CCDC73: variants seen among roughly 807,000 people sequenced by gnomAD.
CCDC73 encodes the protein coiled-coil domain-containing protein 73.
CCDC73 carries 95 observed loss-of-function variants against 116.5 expected under a neutral mutation model. That is an observed-to-expected ratio of 0.82 (90% confidence interval 0.69 to 0.97). The LOEUF (loss-of-function observed/expected upper bound fraction) is 0.97. Among genes scored for constraint, CCDC73 ranks in the 50% least tolerant of loss-of-function variants. The pLI is 0.00. For synonymous variants in CCDC73, 398 were observed against 401.3 expected, an observed-to-expected ratio of 0.99 and a Z score of 0.10; for missense variants, 1,066 against 1,206.8, an observed-to-expected ratio of 0.88 and a Z score of 1.73.
chr11:32,661,615 C>T (rs1855927622), intron 9 of CCDC73, among the ~76,000 whole-genome samples: 1 of 151,950 alleles, frequency 6.6e-6, no homozygotes, highest in Non-Finnish European at 1.5e-5. Context: ...CATGTCCCTA[C>T]AAAGGACATG....
rs185058812 is a variant in CCDC73, at chr11:32,764,281, C to T, written c.-15-4023G>A. 7.2e-3 allele frequency among the ~76,000 whole-genome samples: 1,098 copies of T among 152,156 alleles called. 16 individuals are homozygous for T. Among genetic ancestry groups the T allele is most frequent in the African/African-American group, 0.025 (1,056 of 41,500 alleles). On this transcript the variant is annotated intron_variant, in intron 1 of 17. Coordinates refer to ENST00000335185, the MANE Select transcript of CCDC73 (RefSeq NM_001008391.4). ...CAGAGAACACCACAAAGATACTCCT[C>T]GAGAAGAGCAACTCCAAGACACATA...
At chr11:32,663,930 G>A (rs1855954874) in intron 9 of CCDC73, among the ~76,000 whole-genome samples, 1 of 152,186 alleles carries the variant, frequency 6.6e-6, no homozygotes, top group Non-Finnish European at 1.5e-5. Context: ...TGCATCTATT[G>A]AGATAATCAT....
intron 2 of CCDC73, among the ~76,000 whole-genome samples, chr11:32,759,547 G>A (rs1850372955): frequency 6.6e-6 from 1 of 151,916 alleles, no homozygotes; most frequent in Non-Finnish European, 1.5e-5. Context: ...GGCCAGGCTG[G>A]TCTCGAACTC....
chr11:32,655,390 A>T (rs1855862637), intron 9 of CCDC73, among the ~76,000 whole-genome samples: 1 of 152,258 alleles, frequency 6.6e-6, no homozygotes, highest in South Asian at 2.1e-4. Flanking sequence ...TAGAAAAATG[A>T]ATAAAAAACA....
chr11:32,787,697 G>A (rs987953176), intron 1 of CCDC73, among the ~76,000 whole-genome samples: 3 of 151,896 alleles, frequency 2.0e-5, no homozygotes, highest in African/African-American at 7.3e-5. Context: ...AATATGGATG[G>A]CATTTGTCAC....
intron 2 of CCDC73, among the ~76,000 whole-genome samples, chr11:32,736,987 T>C (rs1282777064): frequency 1.3e-5 from 2 of 149,800 alleles, no homozygotes; most frequent in African/African-American, 2.4e-5. Flanking sequence ...TATATATGTA[T>C]ATATGTATAT....
At chr11:32,706,433 C>T (rs1040378929) in intron 3 of CCDC73, among the ~76,000 whole-genome samples, 5 of 152,114 alleles carry the variant, frequency 3.3e-5, no homozygotes, top group African/African-American at 1.2e-4. Flanking sequence ...AATGGCTTCA[C>T]AAATAAAATA....
upstream of CCDC73, among the ~76,000 whole-genome samples, chr11:32,795,831 A>G (rs960996921): frequency 7.2e-5 from 11 of 151,924 alleles, no homozygotes; most frequent in African/African-American, 2.7e-4. Context: ...CTGGGATTAC[A>G]GGCGCCTGCC....
In CCDC73 at chr11:32,758,795, A is replaced by C. The variant is rs1353006761; in HGVS notation, c.135+1314T>G. ...ATACTAAGTTTTAAATAGTGACCAA[A>C]AGTTGTTTCACTTAGGAAAGATAAC... On this transcript the variant is annotated intron_variant, in intron 2 of 17. Transcript: ENST00000335185. Among the ~76,000 whole-genome samples the C allele has an allele frequency of 4.6e-5, 7 of 152,280 alleles. No homozygotes were observed. In the East Asian group the frequency reaches 7.7e-4, roughly 17 times the overall value.
intron 17 of CCDC73, among the ~76,000 whole-genome samples, chr11:32,606,964 A>G: frequency 6.6e-6 from 1 of 150,716 alleles, no homozygotes; most frequent in African/African-American, 2.4e-5. Flanking sequence ...TTTAGTAGAG[A>G]CCTGGTTTCA....
At chr11:32,792,910 A>G (rs982586743) in intron 1 of CCDC73, among the ~76,000 whole-genome samples, 1 of 152,192 alleles carries the variant, frequency 6.6e-6, no homozygotes. Context: ...TTGTTTTTTT[A>G]GGATTAAATG....
At position 32,718,154 on chromosome 11, in the gene CCDC73, C is replaced by G. The variant is rs1554966618; in HGVS notation, c.136-7G>C. 1.3e-6 allele frequency: 2 copies of G among 1,578,246 alleles called. No homozygotes were observed. The highest frequency in any genetic ancestry group is 1.7e-4 in the Middle Eastern group (1 of 5,874). On this transcript the variant is annotated splice_region_variant and splice_polypyrimidine_tract_variant and intron_variant, in intron 2 of 17. Transcript: ENST00000335185. ...CATAATGAATTTCTGCTTCCTAAGT[C>G]AAAAAGAAAAAGAAAAGTGCTATAA... is the stretch of plus-strand genomic sequence containing the variant.
chr11:32,745,723 T>TTTCG (rs1565091464), intron 2 of CCDC73, among the ~76,000 whole-genome samples: 1 of 142,794 alleles, frequency 7.0e-6, no homozygotes, highest in East Asian at 2.1e-4. Flanking sequence ...GTTTTTGTTT[T>TTTCG]TTTGTTTGTT....
At chr11:32,676,674 A>G (rs1856091940) in intron 7 of CCDC73, among the ~76,000 whole-genome samples, 1 of 152,206 alleles carries the variant, frequency 6.6e-6, no homozygotes, top group South Asian at 2.1e-4. Context: ...AGTCCTAGCT[A>G]CTTGGGAAGT....
chr11:32,656,104 G>A (rs925960514), intron 9 of CCDC73, among the ~76,000 whole-genome samples: 18 of 149,906 alleles, frequency 1.2e-4, no homozygotes, highest in African/African-American at 4.4e-4. Flanking sequence ...TTGAGACGGC[G>A]TCTTGCTCTG....
At position 32,733,985 on chromosome 11, in the gene CCDC73, T is replaced by C. The variant is rs982061534; in HGVS notation, c.136-15838A>G. Among the ~76,000 whole-genome samples, 3 of 152,282 alleles carry C rather than the reference T, an allele frequency of 2.0e-5. No individual in the cohort carries two copies. In the South Asian group the frequency reaches 6.2e-4, roughly 32 times the overall value. ...CAAAAAAATCAATGAATCCAGGAGC[T>C]GGTTTTTTGAAAAGATCAACAAAAT... On this transcript the variant is annotated intron_variant, in intron 2 of 17. Coordinates refer to ENST00000335185, the MANE Select transcript of CCDC73 (RefSeq NM_001008391.4).
intron 3 of CCDC73, among the ~76,000 whole-genome samples, chr11:32,707,648 T>C (rs367614307): frequency 3.3e-5 from 5 of 152,272 alleles, no homozygotes; most frequent in African/African-American, 1.2e-4. Context: ...CTTACTCTTT[T>C]AGCAAGGTCG....
chr11:32,716,912 C>T (rs952717743), intron 3 of CCDC73, among the ~76,000 whole-genome samples: 2 of 152,182 alleles, frequency 1.3e-5, no homozygotes, highest in Non-Finnish European at 2.9e-5. Context: ...TAACTTTATG[C>T]TGTTAGCTCT....
intron 4 of CCDC73, among the ~76,000 whole-genome samples, chr11:32,701,556 T>A (rs539178162): frequency 1.1e-4 from 17 of 151,926 alleles, no homozygotes; most frequent in African/African-American, 2.7e-4. Context: ...TAAAAAAAAA[T>A]TTTTTTAAGC....
Sources: allele counts gnomAD v4.1 joint callset (sites outside exome capture counted in the v4.1 genomes callset), GRCh38; gene constraint gnomAD v4.1.1; transcripts MANE v1.5; gene names NCBI Gene and HGNC (gene_info 2026-07-23, HGNC 2026-07-21).